EML6: variants seen among roughly 807,000 people sequenced by gnomAD.
The protein encoded by EML6 is echinoderm microtubule-associated protein-like 6.
In EML6, 154 loss-of-function variants were observed where a neutral mutation model predicts 240.1. The ratio of observed to expected loss-of-function variants is 0.64; its 90% CI spans 0.56 to 0.73. The LOEUF is 0.73. Among genes scored for constraint, EML6 ranks in the 30% least tolerant of loss-of-function variants. EML6 has a pLI of 0.00. For synonymous variants in EML6, 1,148 were observed against 899.0 expected, an observed-to-expected ratio of 1.28 and a Z score of -4.95; for missense variants, 2,964 against 2,474.6, an observed-to-expected ratio of 1.20 and a Z score of -4.20.
intron 10 of EML6, among the ~76,000 whole-genome samples, chr2:54,851,963 G>C (rs2103761012): frequency 1.3e-5 from 2 of 152,286 alleles, no homozygotes; most frequent in African/African-American, 4.8e-5. Context: ...GTTCCTGCCA[G>C]AATAGAAAAG....
Position 54,895,417 on chromosome 2 carries a change from T to C in EML6, c.2982+17T>C. On this transcript the variant is annotated intron_variant, in intron 21 of 41. Coordinates refer to ENST00000356458, the MANE Select transcript of EML6 (RefSeq NM_001039753.4). Reference sequence around the variant, plus strand: ...CTTGTTCAGGTACTGTTTGTATGTATTCTAAACTGCAGTTCACATCAAGGC... The same window carrying C: ...CTTGTTCAGGTACTGTTTGTATGTACTCTAAACTGCAGTTCACATCAAGGC... 1.3e-6 allele frequency: 2 copies of C among 1,551,514 alleles called. No homozygotes were observed.
At chr2:54,820,187 C>T (rs1022847541) in intron 4 of EML6, among the ~76,000 whole-genome samples, 1 of 152,190 alleles carries the variant, frequency 6.6e-6, no homozygotes, top group African/African-American at 2.4e-5. Flanking sequence ...AGTTCTCTCT[C>T]TACTCAGGCC....
intron 24 of EML6, among the ~76,000 whole-genome samples, chr2:54,904,343 G>C (rs2104232295): frequency 6.6e-6 from 1 of 152,284 alleles, no homozygotes; most frequent in South Asian, 2.1e-4. Context: ...CTGATGTTGA[G>C]AGTCTGGAGC....
At chr2:54,744,248 G>A (rs354204) in intron 2 of EML6, among the ~76,000 whole-genome samples, 126,159 of 152,018 alleles carry the variant, frequency 0.83, 52,611 homozygotes, top group Middle Eastern at 0.89. Flanking sequence ...TGTGGGGAAA[G>A]GAAGGACCCA....
intron 3 of EML6, among the ~76,000 whole-genome samples, chr2:54,814,043 T>G (rs1372754133): frequency 6.6e-6 from 1 of 152,254 alleles, no homozygotes; most frequent in Non-Finnish European, 1.5e-5. Flanking sequence ...TGCTAATGCA[T>G]TTCATCAACT....
intron 25 of EML6, among the ~76,000 whole-genome samples, chr2:54,913,432 T>G (rs1363085424): frequency 2.0e-5 from 3 of 152,088 alleles, no homozygotes; most frequent in Non-Finnish European, 2.9e-5. Flanking sequence ...ATAATAGTTT[T>G]AGTAGAGCCA....
At chr2:54,967,645 A>G (rs1160801047) in intron 39 of EML6, among the ~76,000 whole-genome samples, 1 of 152,052 alleles carries the variant, frequency 6.6e-6, no homozygotes. Context: ...GGGGAACAGT[A>G]AGAGCTGGCA....
chr2:54,968,007 C>A, intron 39 of EML6, 121 bp from the exon 40 acceptor site: 1 of 954,926 alleles, frequency 1.0e-6, no homozygotes, highest in Non-Finnish European at 1.6e-6. Context: ...CGTGGCCTGG[C>A]TGTTGGGGAC....
At chr2:54,784,007 C>T (rs1035095428) in intron 2 of EML6, among the ~76,000 whole-genome samples, 3 of 151,860 alleles carry the variant, frequency 2.0e-5, no homozygotes, top group Admixed American at 6.6e-5. Flanking sequence ...GGAGTACAGT[C>T]GTGATCATAG....
At chr2:54,741,454 G>T (rs563895230) in intron 2 of EML6, among the ~76,000 whole-genome samples, 2 of 151,026 alleles carry the variant, frequency 1.3e-5, no homozygotes, top group Non-Finnish European at 3.0e-5. Flanking sequence ...AAGTACACAC[G>T]CACACACACA....
At chr2:54,808,958 C>T (rs1670645084) in intron 2 of EML6, among the ~76,000 whole-genome samples, 1 of 152,174 alleles carries the variant, frequency 6.6e-6, no homozygotes, top group Non-Finnish European at 1.5e-5. Flanking sequence ...CCCAACAGAA[C>T]TAGGTTTATA....
chr2:54,789,508 C>A (rs13013811), intron 2 of EML6, among the ~76,000 whole-genome samples: 42,051 of 96,816 alleles, frequency 0.43, 8,489 homozygotes, highest in Middle Eastern at 0.57. Context: ...AGCGAGACTT[C>A]GTCTCAAAAA....
chr2:54,767,718 G>T (rs555402178), intron 2 of EML6, among the ~76,000 whole-genome samples: 1 of 151,496 alleles, frequency 6.6e-6, no homozygotes, highest in Non-Finnish European at 1.5e-5. Flanking sequence ...TCATTATATT[G>T]CCCAGGCTGG....
At chr2:54,861,808 A>C (rs1461729852) in intron 12 of EML6, among the ~76,000 whole-genome samples, 1 of 151,010 alleles carries the variant, frequency 6.6e-6, no homozygotes, top group Non-Finnish European at 1.5e-5. Context: ...AGAAACCAAC[A>C]CACAGTGTCA....
chr2:54,808,529 C>G (rs1572932013), intron 2 of EML6, among the ~76,000 whole-genome samples: 1 of 150,100 alleles, frequency 6.7e-6, no homozygotes, highest in East Asian at 1.9e-4. Flanking sequence ...TTTCCAAAAA[C>G]AAAACAAAAA....
At chr2:54,773,278 T>C (rs1668471452) in intron 2 of EML6, among the ~76,000 whole-genome samples, 1 of 152,270 alleles carries the variant, frequency 6.6e-6, no homozygotes, top group Non-Finnish European at 1.5e-5. Context: ...AAGGCTCCAC[T>C]GAGCAGTGAG....
chr2:54,748,284 T>G (rs1400321783), intron 2 of EML6: 6 of 152,208 alleles, frequency 3.9e-5, no homozygotes, highest in Non-Finnish European at 8.8e-5. Flanking sequence ...GTGGGCATAA[T>G]TTTTATATGA....
At chr2:54,907,488 C>A (rs1000377158) in intron 24 of EML6, among the ~76,000 whole-genome samples, 1 of 152,194 alleles carries the variant, frequency 6.6e-6, no homozygotes, top group Admixed American at 6.5e-5. Context: ...GCCTGGGTAA[C>A]AGAGCGAGAC....
At chr2:54,787,196 A>C (rs1277769506) in intron 2 of EML6, among the ~76,000 whole-genome samples, 2 of 152,066 alleles carry the variant, frequency 1.3e-5, no homozygotes, top group Non-Finnish European at 2.9e-5. Flanking sequence ...GTAGTTCTCG[A>C]AGTGACCAAA....
Sources: allele counts gnomAD v4.1 joint callset (sites outside exome capture counted in the v4.1 genomes callset), GRCh38; gene constraint gnomAD v4.1.1; transcripts MANE v1.5; gene names NCBI Gene and HGNC (gene_info 2026-07-23, HGNC 2026-07-21).